The following BPI variants were observed in gnomAD, a reference collection of about 807,000 sequenced individuals.
BPI encodes the protein bactericidal permeability increasing protein, also known as bactericidal permeability-increasing protein.
A neutral mutation model predicts 57.6 loss-of-function variants in BPI; 48 were observed. The ratio of observed to expected loss-of-function variants is 0.83; its 90% CI spans 0.66 to 1.06. The LOEUF (loss-of-function observed/expected upper bound fraction) is 1.06, where lower values mean the gene tolerates loss of function less well. BPI is among the 50% of genes least tolerant of loss of function. The pLI is 0.00. For synonymous variants in BPI, 237 were observed against 238.2 expected, an observed-to-expected ratio of 0.99 and a Z score of 0.05; for missense variants, 651 against 609.7, an observed-to-expected ratio of 1.07 and a Z score of -0.71.
intron 14 of BPI, among the ~76,000 whole-genome samples, chr20:38,336,099 C>T (rs1348379330): frequency 6.6e-6 from 1 of 152,192 alleles, no homozygotes; most frequent in Non-Finnish European, 1.5e-5. Context: ...AAGTCTCCTT[C>T]GTGGCTTTCG....
chr20:38,305,392 C>T (rs563663512), intron 1 of BPI, among the ~76,000 whole-genome samples: 1 of 152,330 alleles, frequency 6.6e-6, no homozygotes, highest in East Asian at 1.9e-4. Context: ...ACCCAGGCCC[C>T]TTGTGCCAAT....
intron 12 of BPI, among the ~76,000 whole-genome samples, chr20:38,332,249 G>A (rs1240441896): frequency 2.0e-5 from 3 of 152,166 alleles, no homozygotes; most frequent in Non-Finnish European, 4.4e-5. Context: ...TGCAGGGAGT[G>A]CTGTGAGTCT....
At chr20:38,308,886 A>T in intron 2 of BPI, 44 bp from the exon 3 acceptor site, 2 of 1,612,222 alleles carry the variant, frequency 1.2e-6, no homozygotes, top group Non-Finnish European at 1.7e-6. Flanking sequence ...GTGTGCACCT[A>T]GGAGTATATG....
chr20:38,317,775 G>T, intron 5 of BPI: 1 of 1,343,076 alleles, frequency 7.4e-7, no homozygotes, highest in South Asian at 1.3e-5. Flanking sequence ...TGAAGAAATA[G>T]AGGTCTAGAT....
At chr20:38,314,583 ATGG>A (rs1166073552) in intron 5 of BPI, among the ~76,000 whole-genome samples, 1 of 131,556 alleles carries the variant, frequency 7.6e-6, no homozygotes, top group African/African-American at 2.9e-5. Context: ...GGTGATGATG[ATGG>A]TGGGGATGAT....
chr20:38,326,129 G>A (rs1478424835), intron 9 of BPI, 136 bp from the exon 10 acceptor site: 3 of 946,318 alleles, frequency 3.2e-6, no homozygotes, highest in Admixed American at 6.1e-5. Flanking sequence ...CTGGCAGACT[G>A]TGCAATCTTA....
chr20:38,325,660 A>G (rs1057478816), intron 9 of BPI, among the ~76,000 whole-genome samples: 1 of 152,206 alleles, frequency 6.6e-6, no homozygotes, highest in Non-Finnish European at 1.5e-5. Flanking sequence ...GGGAGGACAC[A>G]TTCTGTTCAT....
chr20:38,323,344 A>G (rs2076696244), intron 7 of BPI, among the ~76,000 whole-genome samples: 2 of 152,226 alleles, frequency 1.3e-5, no homozygotes, highest in African/African-American at 4.8e-5. Flanking sequence ...ATAAAGAACA[A>G]CCTTAACAGC....
chr20:38,324,044 A>T lies in BPI; in HGVS notation c.931A>T (p.Met311Leu), dbSNP rs775675680. ...CTTGAAGATGACCCTTAGAGATGAC[A>T]TGGTAAGGCCGGGCTCTGGGTGGGT... ...GVLKMTLRDD[M>L]IPKESKFRLT... The change falls in exon 8 of 15, where the codon ATG becomes TTG. Residue 311 changes from methionine to leucine, a missense_variant and splice_region_variant. Physicochemically the swap from Met to Leu is conservative, Grantham distance 15. Coordinates refer to ENST00000642449, the MANE Select transcript of BPI (RefSeq NM_001725.3). 6.2e-7 allele frequency: 1 copy of T among 1,613,634 alleles called. No homozygotes were observed. Among genetic ancestry groups the T allele is most frequent in the South Asian group, 1.1e-5 (1 of 91,044 alleles).
chr20:38,326,458 T>A (rs1270030867), intron 10 of BPI, 26 bp downstream of exon 10: 1 of 1,601,684 alleles, frequency 6.2e-7, no homozygotes, highest in Non-Finnish European at 8.5e-7. Context: ...GTTGGACAGA[T>A]GAGGAGCCCC....
intron 5 of BPI, among the ~76,000 whole-genome samples, chr20:38,313,475 A>G (rs551997865): frequency 2.0e-5 from 3 of 152,010 alleles, no homozygotes; most frequent in African/African-American, 7.2e-5. Flanking sequence ...GAGATAACCC[A>G]GAAAATGTGC....
intron 2 of BPI, 66 bp from the exon 3 acceptor site, chr20:38,308,864 C>T (rs962989821): frequency 3.3e-5 from 53 of 1,590,070 alleles, no homozygotes; most frequent in Admixed American, 2.4e-4. Flanking sequence ...TAACCATTAA[C>T]GAAGTCCTCA....
intron 6 of BPI, chr20:38,319,740 A>C (rs2076671615): frequency 6.3e-6 from 1 of 159,182 alleles, no homozygotes; most frequent in Non-Finnish European, 1.4e-5. Context: ...TGATCCTAAC[A>C]ATGATCCTCT....
At chr20:38,311,757 A>C (rs1025605451) in intron 4 of BPI, 117 bp from the exon 5 acceptor site, 2 of 893,698 alleles carry the variant, frequency 2.2e-6, no homozygotes, top group African/African-American at 3.3e-5. Flanking sequence ...CTCAGAGGAG[A>C]GGGTGCCAAA....
At chr20:38,328,043 G>C (rs1324846967) in intron 11 of BPI, among the ~76,000 whole-genome samples, 1 of 152,104 alleles carries the variant, frequency 6.6e-6, no homozygotes, top group East Asian at 1.9e-4. Flanking sequence ...CTTGACACTA[G>C]GAGATCCCGC....
intron 5 of BPI, among the ~76,000 whole-genome samples, chr20:38,316,905 G>A (rs2076654910): frequency 6.6e-6 from 1 of 152,202 alleles, no homozygotes; most frequent in Non-Finnish European, 1.5e-5. Flanking sequence ...TAAGTGGAAG[G>A]GACAGGGAGC....
intron 4 of BPI, among the ~76,000 whole-genome samples, chr20:38,311,160 C>T (rs771684218): frequency 3.9e-5 from 6 of 152,328 alleles, no homozygotes; most frequent in Admixed American, 6.5e-5. Context: ...TCTATTATTA[C>T]CCCATTTTCT....
At position 38,311,852 on chromosome 20, in the gene BPI, G is replaced by A. The variant is rs960071539; in HGVS notation, c.537-22G>A. 2.5e-6 allele frequency: 4 copies of A among 1,612,280 alleles called. No homozygotes were observed. The South Asian group carries it at 4.4e-5, about 18-fold the overall frequency. On this transcript the variant is annotated intron_variant, in intron 4 of 14. Transcript: ENST00000642449. ...GGGACAATCAAAAAGCCTCATCTATGTCCCTACTTGTTCATCTCTAGGTGG... is the reference window on the plus strand; with the variant it reads ...GGGACAATCAAAAAGCCTCATCTATATCCCTACTTGTTCATCTCTAGGTGG...
intron 5 of BPI, chr20:38,318,103 A>G: frequency 1.1e-6 from 1 of 944,722 alleles, no homozygotes; most frequent in Non-Finnish European, 1.3e-6. Context: ...AAAAGAAAAA[A>G]CAAAACAACA....
Sources: gnomAD v4.1 joint callset for allele counts (sites outside exome capture counted in the v4.1 genomes callset) on GRCh38, gnomAD v4.1.1 for gene constraint, MANE v1.5 for transcripts, NCBI Gene and HGNC (gene_info 2026-07-23, HGNC 2026-07-21) for gene names.